Variants in WAC observed in about 807,000 individuals in gnomAD.
The protein encoded by WAC is WW domain containing adaptor with coiled-coil, also known as WW domain-containing adapter protein with coiled-coil.
A neutral mutation model predicts 79.6 loss-of-function variants in WAC; 11 were observed. That is an observed-to-expected ratio of 0.14 (90% CI 0.09 to 0.23). WAC has a LOEUF of 0.23. WAC is among the 10% of genes least tolerant of loss of function. The pLI is 1.00. For missense variants in WAC, 728 were observed against 773.5 expected (o/e 0.94, Z 0.70); for synonymous variants, 304 against 276.9 (o/e 1.10, Z -0.97).
intron 12 of WAC, 54 bp downstream of exon 12, chr10:28,616,416 T>A: frequency 7.3e-7 from 1 of 1,365,468 alleles, no homozygotes; most frequent in Non-Finnish European, 9.7e-7. Flanking sequence ...AAACAGAATT[T>A]AATCAACTTC....
chr10:28,589,456 A>C, intron 4 of WAC: 1 of 195,268 alleles, frequency 5.1e-6, no homozygotes, highest in Non-Finnish European at 1.0e-5. Context: ...AGATTTTGTC[A>C]TGCTTTCTAA....
chr10:28,556,388 A>T (rs1184370288), intron 3 of WAC, among the ~76,000 whole-genome samples: 58 of 55,078 alleles, frequency 1.1e-3, no homozygotes, highest in East Asian at 2.5e-3. Flanking sequence ...TGCCCATTAA[A>T]TTTTTTTTTT....
At chr10:28,559,858 T>A (rs1469728984) in intron 3 of WAC, among the ~76,000 whole-genome samples, 3 of 152,198 alleles carry the variant, frequency 2.0e-5, no homozygotes, top group African/African-American at 7.2e-5. Flanking sequence ...ATGAAAGGGT[T>A]CACATTCCTC....
chr10:28,593,252 T>C (rs905066479), intron 6 of WAC, among the ~76,000 whole-genome samples: 1 of 152,176 alleles, frequency 6.6e-6, no homozygotes, highest in East Asian at 1.9e-4. Flanking sequence ...ACTTAGTCTA[T>C]CCAAAACATA....
At chr10:28,549,543 T>A (rs1837548624) in intron 3 of WAC, among the ~76,000 whole-genome samples, 1 of 152,212 alleles carries the variant, frequency 6.6e-6, no homozygotes, top group Non-Finnish European at 1.5e-5. Flanking sequence ...CCAGAACTCA[T>A]TGCCCTGTTT....
chr10:28,545,056 A>G (rs1837277727), intron 3 of WAC, among the ~76,000 whole-genome samples: 1 of 151,828 alleles, frequency 6.6e-6, no homozygotes, highest in Admixed American at 6.6e-5. Context: ...AAAAAAAAAA[A>G]AAAATGGTAG....
chr10:28,606,059 T>G (rs1342544721), intron 7 of WAC, among the ~76,000 whole-genome samples: 2 of 151,810 alleles, frequency 1.3e-5, no homozygotes, highest in African/African-American at 2.4e-5. Flanking sequence ...TTTTTGGTTT[T>G]TTTTTTTTTT....
chr10:28,610,687 A>T lies in WAC; in HGVS notation c.1166-12A>T. 6.2e-7 allele frequency: 1 copy of T among 1,601,564 alleles called. No individual in the cohort carries two copies. Among genetic ancestry groups the T allele is most frequent in the South Asian group, 1.1e-5 (1 of 88,610 alleles). ...TGTTTTTATATGAATGTATGAAATA[A>T]TATGTTTTTAGTTCTTACAGCAGCT... On this transcript the variant is annotated splice_polypyrimidine_tract_variant and intron_variant, in intron 8 of 13. Coordinates refer to ENST00000354911, the MANE Select transcript of WAC (RefSeq NM_016628.5).
chr10:28,535,446 T>G (rs1191751151), intron 2 of WAC, 116 bp from the exon 3 acceptor site: 1 of 1,301,214 alleles, frequency 7.7e-7, no homozygotes, highest in East Asian at 2.5e-5. Flanking sequence ...AAAGTGGAAA[T>G]TTTAATTTTG....
intron 3 of WAC, among the ~76,000 whole-genome samples, chr10:28,546,526 A>G (rs956898117): frequency 5.3e-5 from 8 of 152,122 alleles, no homozygotes; most frequent in Non-Finnish European, 8.8e-5. Flanking sequence ...TTCATATTTA[A>G]TATGCACGGA....
Position 28,620,565 on chromosome 10 carries a change from G to C in WAC, c.*959G>C, listed in dbSNP as rs535167600. The stretch of plus-strand genomic sequence containing the variant: ...AAAATTGTTATTTTTCTTTTCCTTC[G>C]GTCAGTGCACATTAGCATTTGAACT... On this transcript the variant is annotated 3_prime_UTR_variant, in exon 14 of 14. Coordinates refer to ENST00000354911, the MANE Select transcript of WAC (RefSeq NM_016628.5). 5 of 152,418 alleles carry C rather than the reference G, an allele frequency of 3.3e-5. No individual in the cohort carries two copies. Among genetic ancestry groups the C allele is most frequent in the South Asian group, 4.1e-4 (2 of 4,826 alleles). 9.4% of individuals were successfully genotyped at this position (152,418 alleles called of 1,614,324 possible).
intron 3 of WAC, among the ~76,000 whole-genome samples, chr10:28,579,146 A>C (rs1839400672): frequency 6.6e-6 from 1 of 151,404 alleles, no homozygotes; most frequent in African/African-American, 2.4e-5. Flanking sequence ...CCACTTACTC[A>C]CTGATACAGT....
chr10:28,592,051 C>T (rs544606878), intron 6 of WAC, among the ~76,000 whole-genome samples: 1 of 151,922 alleles, frequency 6.6e-6, no homozygotes, highest in Admixed American at 6.6e-5. Flanking sequence ...TAAGATGAAA[C>T]AGTAACATAC....
chr10:28,534,082 A>T, intron 2 of WAC, 48 bp downstream of exon 2: 6 of 1,534,838 alleles, frequency 3.9e-6, no homozygotes, highest in Non-Finnish European at 5.3e-6. Context: ...CCGGAGGGGG[A>T]AGGGAGGGAC....
chr10:28,547,818 T>G (rs1194183101), intron 3 of WAC, among the ~76,000 whole-genome samples: 1 of 152,054 alleles, frequency 6.6e-6, no homozygotes, highest in Non-Finnish European at 1.5e-5. Flanking sequence ...GATCTAAAAC[T>G]TCACAAATCT....
Position 28,593,692 on chromosome 10 carries a change from G to GGC in WAC, c.611-2039_611-2038dup, listed in dbSNP as rs372011053. Among the ~76,000 whole-genome samples, 20 of 150,488 alleles carry GGC rather than the reference G, an allele frequency of 1.3e-4. No individual in the cohort carries two copies. In the East Asian group the frequency reaches 3.7e-3, roughly 28 times the overall value. On this transcript the variant is annotated intron_variant, in intron 6 of 13. Coordinates refer to ENST00000354911, the MANE Select transcript of WAC (RefSeq NM_016628.5). ...CTGAGGCAGGCAGAGGTTTCAGTGA[G>GGC]GCGAGATTCATGCCATTGCACTCCA...
At chr10:28,590,075 C>G (rs1023860990) in intron 5 of WAC, among the ~76,000 whole-genome samples, 3 of 152,094 alleles carry the variant, frequency 2.0e-5, no homozygotes, top group African/African-American at 7.2e-5. Context: ...AATCCCAGAA[C>G]TTTGGGAGGC....
At chr10:28,577,258 A>T (rs535921667) in intron 3 of WAC, among the ~76,000 whole-genome samples, 3 of 152,198 alleles carry the variant, frequency 2.0e-5, no homozygotes, top group African/African-American at 7.2e-5. Flanking sequence ...TTAGTCAAGG[A>T]TAATGCTCAG....
intron 7 of WAC, 110 bp from the exon 8 acceptor site, chr10:28,608,076 A>T: frequency 8.1e-7 from 1 of 1,229,512 alleles, no homozygotes; most frequent in Non-Finnish European, 1.2e-6. Context: ...TGTAAGGGTT[A>T]AATGAGATTA....
Sources: allele counts gnomAD v4.1 joint callset (sites outside exome capture counted in the v4.1 genomes callset), GRCh38; gene constraint gnomAD v4.1.1; transcripts MANE v1.5; gene names NCBI Gene and HGNC (gene_info 2026-07-23, HGNC 2026-07-21).